Variants in NPSR1 observed in about 807,000 individuals in gnomAD.
NPSR1 encodes neuropeptide S receptor 1.
In NPSR1, 48 loss-of-function variants were observed where a neutral mutation model predicts 46.9. The observed-to-expected ratio is 1.02, with a 90% CI of 0.81 to 1.30. NPSR1 has a LOEUF of 1.30. Ranked by LOEUF, NPSR1 falls within the 50% of genes most tolerant of loss-of-function variation. The pLI, the probability that NPSR1 is intolerant of heterozygous loss-of-function variation, is 0.00. For missense variants in NPSR1, 450 were observed against 449.5 expected, an observed-to-expected ratio of 1.00 and a Z score of -0.01; for synonymous variants, 176 against 168.1, an observed-to-expected ratio of 1.05 and a Z score of -0.36.
At chr7:34,875,269 C>T (rs1352705422) in intron 8 of NPSR1, among the ~76,000 whole-genome samples, 3 of 152,140 alleles carry the variant, frequency 2.0e-5, no homozygotes, top group Non-Finnish European at 4.4e-5. Context: ...AAACAGGGCC[C>T]TTGGAGCAAC....
intron 2 of NPSR1, among the ~76,000 whole-genome samples, chr7:34,736,141 C>G (rs1784655038): frequency 6.6e-6 from 1 of 152,080 alleles, no homozygotes. Context: ...AAATAACTTA[C>G]CCATGTTTAG....
downstream of NPSR1, among the ~76,000 whole-genome samples, chr7:34,852,574 CTT>C (rs1790962580): frequency 1.3e-5 from 2 of 152,074 alleles, no homozygotes; most frequent in South Asian, 4.2e-4. Flanking sequence ...GACTCAGTGA[CTT>C]AATGCTGAGT....
chr7:34,839,005 G>A (rs1790477485), intron 6 of NPSR1, among the ~76,000 whole-genome samples: 3 of 152,064 alleles, frequency 2.0e-5, no homozygotes, highest in Admixed American at 2.0e-4. Context: ...AGGCATACTA[G>A]AGTGAAGAAA....
intron 6 of NPSR1, 97 bp from the exon 7 acceptor site, chr7:34,844,799 G>T: frequency 1.2e-6 from 1 of 827,100 alleles, no homozygotes; most frequent in Non-Finnish European, 2.1e-6. Flanking sequence ...GGATATAAGT[G>T]AAAACTGGAG....
intron 2 of NPSR1, among the ~76,000 whole-genome samples, chr7:34,773,323 G>A (rs899795567): frequency 1.8e-4 from 28 of 152,118 alleles, no homozygotes; most frequent in African/African-American, 6.8e-4. Context: ...TCTGTCTGGT[G>A]AAGTATGTAA....
intron 3 of NPSR1, among the ~76,000 whole-genome samples, chr7:34,809,710 G>A (rs547905528): frequency 1.3e-5 from 2 of 151,890 alleles, no homozygotes; most frequent in East Asian, 3.9e-4. Flanking sequence ...TGATCCACCC[G>A]CCTCGGCCTC....
chr7:34,716,388 T>G (rs953088187), intron 2 of NPSR1, among the ~76,000 whole-genome samples: 9 of 152,142 alleles, frequency 5.9e-5, no homozygotes, highest in African/African-American at 1.4e-4. Context: ...GACTTCAACT[T>G]TGACTTAAGA....
At chr7:34,762,239 T>C (rs111709955) in intron 2 of NPSR1, among the ~76,000 whole-genome samples, 1,708 of 152,252 alleles carry the variant, frequency 0.011, 15 homozygotes, top group Non-Finnish European at 0.016. Context: ...GTGATGATTA[T>C]TTACCTAATT....
intron 3 of NPSR1, among the ~76,000 whole-genome samples, chr7:34,780,999 A>C (rs1272308560): frequency 6.6e-6 from 1 of 152,152 alleles, no homozygotes; most frequent in East Asian, 1.9e-4. Context: ...GAGTAATGAG[A>C]TATCCATAGG....
chr7:34,759,903 A>G (rs187034510), intron 2 of NPSR1, among the ~76,000 whole-genome samples: 82 of 152,356 alleles, frequency 5.4e-4, no homozygotes, highest in Admixed American at 2.6e-3. Context: ...GAATTGCCCC[A>G]TAAGTAGCAA....
intron 6 of NPSR1, among the ~76,000 whole-genome samples, chr7:34,835,077 C>T (rs752856911): frequency 6.6e-6 from 1 of 152,154 alleles, no homozygotes; most frequent in African/African-American, 2.4e-5. Flanking sequence ...ACCCTGCTTC[C>T]CAGGAAAACA....
chr7:34,718,918 A>G (rs1449562816), intron 2 of NPSR1: 1 of 152,222 alleles, frequency 6.6e-6, no homozygotes, highest in Admixed American at 6.5e-5. Context: ...TTGGGAGATA[A>G]TCATCTTTCT....
At chr7:34,766,577 A>T (rs1009958042) in intron 2 of NPSR1, among the ~76,000 whole-genome samples, 41 of 147,354 alleles carry the variant, frequency 2.8e-4, no homozygotes, top group East Asian at 2.8e-3. Context: ...ATGATGAATT[A>T]TTTTTTTTTT....
chr7:34,771,829 G>A (rs1459580385), intron 2 of NPSR1, among the ~76,000 whole-genome samples: 1 of 152,094 alleles, frequency 6.6e-6, no homozygotes, highest in East Asian at 1.9e-4. Flanking sequence ...AGTTTGTTGT[G>A]AGATTAAACA....
At chr7:34,751,333 C>A (rs1422898943) in intron 2 of NPSR1, 4 of 1,024,662 alleles carry the variant, frequency 3.9e-6, no homozygotes, top group Non-Finnish European at 6.2e-6. Context: ...GCAGAACTTG[C>A]CAAGGGTAGG....
At chr7:34,707,991 G>GT (rs1222968667) in intron 2 of NPSR1, among the ~76,000 whole-genome samples, 1 of 152,020 alleles carries the variant, frequency 6.6e-6, no homozygotes, top group Non-Finnish European at 1.5e-5. Flanking sequence ...GTCCATGTCT[G>GT]TATCCTAATC....
At chr7:34,676,731 T>A (rs1233381509) in intron 1 of NPSR1, among the ~76,000 whole-genome samples, 6 of 152,178 alleles carry the variant, frequency 3.9e-5, no homozygotes, top group African/African-American at 1.4e-4. Flanking sequence ...AGGAAATTAA[T>A]AGATGTTAGA....
At chr7:34,750,581 C>G in intron 2 of NPSR1, 3 of 692,596 alleles carry the variant, frequency 4.3e-6, no homozygotes, top group Non-Finnish European at 8.1e-6. Context: ...TCTGGCATGA[C>G]AGGCCTGAAG....
At chr7:34,839,770 C>A (rs1351517824) in intron 6 of NPSR1, among the ~76,000 whole-genome samples, 1 of 152,130 alleles carries the variant, frequency 6.6e-6, no homozygotes, top group Non-Finnish European at 1.5e-5. Context: ...CTAAGGTACT[C>A]CTCAGCACCT....
Sources: allele counts gnomAD v4.1 joint callset (sites outside exome capture counted in the v4.1 genomes callset), GRCh38; gene constraint gnomAD v4.1.1; transcripts MANE v1.5; gene names NCBI Gene and HGNC (gene_info 2026-07-23, HGNC 2026-07-21).